The following TRPC4 variants were observed in gnomAD, a reference collection of about 807,000 sequenced individuals.
The protein encoded by TRPC4 is short transient receptor potential channel 4.
A neutral mutation model predicts 99.4 loss-of-function variants in TRPC4; 49 were observed. The observed-to-expected ratio is 0.49, with a 90% CI of 0.39 to 0.63. The LOEUF is 0.63. Ranked by LOEUF, TRPC4 falls within the 20% of genes least tolerant of loss-of-function variation. The pLI is 0.00. For missense variants in TRPC4, 898 were observed against 1,152.9 expected, an observed-to-expected ratio of 0.78 and a Z score of 3.20; for synonymous variants, 454 against 425.9, an observed-to-expected ratio of 1.07 and a Z score of -0.81.
At chr13:37,704,513 C>G (rs1173620509) in intron 3 of TRPC4, among the ~76,000 whole-genome samples, 1 of 151,892 alleles carries the variant, frequency 6.6e-6, no homozygotes, top group African/African-American at 2.4e-5. Flanking sequence ...ATGGTGAGAC[C>G]CCATCTCTAC....
chr13:37,820,743 A>G (rs1593255201), intron 1 of TRPC4, among the ~76,000 whole-genome samples: 1 of 152,060 alleles, frequency 6.6e-6, no homozygotes, highest in East Asian at 1.9e-4. Flanking sequence ...AACATCTTTC[A>G]TAGTCAGAAC....
chr13:37,792,221 A>T (rs1357717145), intron 1 of TRPC4, among the ~76,000 whole-genome samples: 2 of 152,164 alleles, frequency 1.3e-5, no homozygotes, highest in Admixed American at 6.6e-5. Flanking sequence ...TGCCATAATG[A>T]CAGACTCTGA....
At chr13:37,752,369 T>C (rs1392815582) in intron 2 of TRPC4, among the ~76,000 whole-genome samples, 1 of 151,824 alleles carries the variant, frequency 6.6e-6, no homozygotes, top group Non-Finnish European at 1.5e-5. Context: ...ATTCCACACA[T>C]GACACATCGA....
At chr13:37,642,212 C>G (rs561311163) in intron 8 of TRPC4, among the ~76,000 whole-genome samples, 17 of 152,132 alleles carry the variant, frequency 1.1e-4, no homozygotes, top group Non-Finnish European at 1.9e-4. Context: ...AGGCAGTCAT[C>G]TTTGGAGGAG....
chr13:37,694,041 A>G lies in TRPC4; in HGVS notation c.898-1706T>C, dbSNP rs547108730. Among the ~76,000 whole-genome samples the G allele has an allele frequency of 9.2e-5, 14 of 152,318 alleles. No homozygotes were observed. In the South Asian group the frequency reaches 1.5e-3, roughly 16 times the overall value. On this transcript the variant is annotated intron_variant, in intron 3 of 10. Transcript: ENST00000379705. ...GCTTATATAACTGTAGAGTATTGAT[A>G]AACAGTGGTTTAGATCATTAACAAG...
chr13:37,673,152 G>A lies in TRPC4; in HGVS notation c.1374+1076C>T, dbSNP rs559731077. ...GATGTTCCCCACCCTGTGTCCACGT[G>A]TTCTCATTGTTCAATTCCCACCTAT... On this transcript the variant is annotated intron_variant, in intron 5 of 10. Coordinates refer to ENST00000379705, the MANE Select transcript of TRPC4 (RefSeq NM_016179.4). 4.5e-4 allele frequency among the ~76,000 whole-genome samples: 62 copies of A among 137,680 alleles called. No homozygotes were observed. The South Asian group carries it at 4.8e-3, about 11-fold the overall frequency. The allele number at this position is 137,680 out of a possible 152,430, so 90.3% of individuals were successfully genotyped here. A position where few individuals can be genotyped will look rare whatever the true frequency, so the allele number is the denominator to read the frequency against.
chr13:37,749,385 A>G (rs905420354), intron 2 of TRPC4, among the ~76,000 whole-genome samples: 10 of 152,098 alleles, frequency 6.6e-5, no homozygotes, highest in Admixed American at 3.3e-4. Context: ...ATTTAACATT[A>G]TATGTTGTCT....
chr13:37,694,541 T>A (rs1018302686), intron 3 of TRPC4, among the ~76,000 whole-genome samples: 5 of 152,182 alleles, frequency 3.3e-5, no homozygotes, highest in Non-Finnish European at 7.3e-5. Flanking sequence ...ACATATATAC[T>A]CTGTAAAATT....
intron 1 of TRPC4, among the ~76,000 whole-genome samples, chr13:37,788,670 G>A (rs1160701347): frequency 6.6e-6 from 1 of 151,734 alleles, no homozygotes; most frequent in Non-Finnish European, 1.5e-5. Flanking sequence ...ATATGACCAG[G>A]GTCCTGCTTG....
chr13:37,718,288 C>A (rs147267947), intron 3 of TRPC4, among the ~76,000 whole-genome samples: 1 of 151,762 alleles, frequency 6.6e-6, no homozygotes, highest in African/African-American at 2.4e-5. Flanking sequence ...AACGCACACA[C>A]GCACATACAC....
At chr13:37,739,709 T>C (rs998805731) in intron 3 of TRPC4, among the ~76,000 whole-genome samples, 9 of 151,966 alleles carry the variant, frequency 5.9e-5, no homozygotes, top group Non-Finnish European at 1.2e-4. Context: ...TTTCGCTTTG[T>C]TGGACAGGCT....
intron 3 of TRPC4, among the ~76,000 whole-genome samples, chr13:37,718,708 A>G (rs1261819269): frequency 6.6e-6 from 1 of 152,158 alleles, no homozygotes; most frequent in Non-Finnish European, 1.5e-5. Context: ...CCAAACACAA[A>G]TCAAGAGAAA....
At chr13:37,779,264 G>A (rs1286834775) in intron 2 of TRPC4, among the ~76,000 whole-genome samples, 1 of 152,036 alleles carries the variant, frequency 6.6e-6, no homozygotes, top group African/African-American at 2.4e-5. Context: ...GTCATTCTCA[G>A]TTATTCCCTC....
intron 3 of TRPC4, among the ~76,000 whole-genome samples, chr13:37,734,197 C>T (rs941402595): frequency 6.6e-6 from 1 of 152,126 alleles, no homozygotes; most frequent in Non-Finnish European, 1.5e-5. Flanking sequence ...TCCACTGAAA[C>T]TCAATTAAGG....
At chr13:37,719,364 GAAGGTAAAACA>G (rs915687572) in intron 3 of TRPC4, among the ~76,000 whole-genome samples, 10 of 151,860 alleles carry the variant, frequency 6.6e-5, no homozygotes, top group Admixed American at 5.9e-4. Flanking sequence ...AGAAAAAAAT[GAAGGTAAAACA>G]AAGACATTAT....
chr13:37,716,454 G>A (rs1954670478), intron 3 of TRPC4, among the ~76,000 whole-genome samples: 1 of 152,080 alleles, frequency 6.6e-6, no homozygotes, highest in Non-Finnish European at 1.5e-5. Flanking sequence ...CCATACATTT[G>A]CCAATACGGG....
At chr13:37,647,938 CATTTATTT>C (rs567366335) in intron 8 of TRPC4, among the ~76,000 whole-genome samples, 2 of 151,892 alleles carry the variant, frequency 1.3e-5, no homozygotes, top group Non-Finnish European at 2.9e-5. Context: ...TTATCTTATA[CATTTATTT>C]ATTTATTTAT....
At chr13:37,828,301 C>T (rs1018525797) in intron 1 of TRPC4, among the ~76,000 whole-genome samples, 2 of 152,114 alleles carry the variant, frequency 1.3e-5, no homozygotes, top group Non-Finnish European at 2.9e-5. Context: ...TCCTCCCCCT[C>T]CAGAATGGTT....
chr13:37,719,296 C>T (rs982385289), intron 3 of TRPC4, among the ~76,000 whole-genome samples: 3 of 151,788 alleles, frequency 2.0e-5, no homozygotes, highest in Admixed American at 1.3e-4. Flanking sequence ...TGCAGTGAGC[C>T]GGGATCATGC....
Sources: allele counts gnomAD v4.1 joint callset (sites outside exome capture counted in the v4.1 genomes callset), GRCh38; gene constraint gnomAD v4.1.1; transcripts MANE v1.5; gene names NCBI Gene and HGNC (gene_info 2026-07-23, HGNC 2026-07-21).